ODAD1: variants seen among roughly 807,000 people sequenced by gnomAD.
ODAD1 encodes the protein outer dynein arm-docking complex subunit 1.
In ODAD1, 49 loss-of-function variants were observed where a neutral mutation model predicts 67.2. The observed-to-expected ratio is 0.73, with a 90% CI of 0.58 to 0.92. The LOEUF is 0.92. Among genes scored for constraint, ODAD1 ranks in the 40% least tolerant of loss-of-function variants. ODAD1 has a pLI of 0.00. For synonymous variants in ODAD1, 345 were observed against 393.7 expected (o/e 0.88, Z 1.46); for missense variants, 897 against 953.7 (o/e 0.94, Z 0.78).
In ODAD1 at chr19:48,304,665, C is replaced by G. The variant is rs1968560723; in HGVS notation, c.666-525G>C. 2.0e-5 allele frequency among the ~76,000 whole-genome samples: 3 copies of G among 151,492 alleles called. No homozygotes were observed. The South Asian group carries it at 6.3e-4, about 32-fold the overall frequency. On this transcript the variant is annotated intron_variant, in intron 8 of 15. Transcript: ENST00000674294. ...CAAGAACTTCAAAAGAGTGCGACAT[C>G]ATATTAGAAACACAACACAAAACTC... is the stretch of plus-strand genomic sequence containing the variant.
chr19:48,299,484 G>A (rs1175391827), intron 12 of ODAD1, among the ~76,000 whole-genome samples: 2 of 152,234 alleles, frequency 1.3e-5, no homozygotes, highest in Admixed American at 6.5e-5. Context: ...ACTCCTGAGT[G>A]CTCTGCATGG....
Position 48,298,036 on chromosome 19 carries a change from G to A in ODAD1, c.1466C>T (p.Pro489Leu), listed in dbSNP as rs768434176. Residue 489 changes from proline (P) to leucine (L), a missense_variant, in exon 14 of 16, where the codon CCG (proline) becomes CTG (leucine). By Grantham distance (98) the Pro-to-Leu change is moderately conservative. Coordinates refer to ENST00000674294, the MANE Select transcript of ODAD1 (RefSeq NM_001364171.2). ...GGGCTGAAGTGGGGCCATCTTCTTCGGAAGGTCCTCCAGGCTCTGGCCCAG... is the reference window on the plus strand; with the variant it reads ...GGGCTGAAGTGGGGCCATCTTCTTCAGAAGGTCCTCCAGGCTCTGGCCCAG... ...LVLGQSLEDL[P>L]KKMAPLQPPD... 3.7e-5 allele frequency: 60 copies of A among 1,613,106 alleles called. No individual in the cohort carries two copies. The highest frequency in any genetic ancestry group is 3.5e-4 in the Admixed American group (21 of 59,690).
chr19:48,311,638 A>G lies in ODAD1; in HGVS notation c.512T>C (p.Val171Ala), dbSNP rs1040729839. Residue 171 changes from valine to alanine, a missense_variant, in exon 7 of 16, where the codon GTA (valine) becomes GCA (alanine). By Grantham distance (64) the Val-to-Ala change is moderately conservative (BLOSUM62 0). Coordinates refer to ENST00000674294, the MANE Select transcript of ODAD1 (RefSeq NM_001364171.2). The part of the protein sequence containing the change: ...RVTCHFDNQL[V>A]RNAALREELD... ...CTCCTCCCGCAGGGCCGCATTCCGT[A>G]CCAGCTGGTTGTCAAAGTGACAGGT... is the stretch of plus-strand genomic sequence containing the variant. 6.4e-7 allele frequency: 1 copy of G among 1,550,388 alleles called. No individual in the cohort carries two copies. The highest frequency in any genetic ancestry group is 8.7e-7 in the Non-Finnish European group (1 of 1,145,876).
At chr19:48,302,972 C>T (rs946093311) in intron 11 of ODAD1, 41 bp downstream of exon 11, 18 of 1,555,662 alleles carry the variant, frequency 1.2e-5, no homozygotes, top group Admixed American at 1.7e-5. Flanking sequence ...GCGGGGAGGC[C>T]GGGAGGAGAG....
rs759533077 is a variant in ODAD1, at chr19:48,303,715, A to T, written c.923T>A (p.Leu308Gln). ...CCCCATCAGCTGGGACAGTTTATTCAGGGCGTCCTCGTAGCAAAGCACCAG... is the reference window on the plus strand; with the variant it reads ...CCCCATCAGCTGGGACAGTTTATTCTGGGCGTCCTCGTAGCAAAGCACCAG... ...ERLVLCYEDALNKLSQLMGES... is the reference protein window; with the variant it reads ...ERLVLCYEDAQNKLSQLMGES... The change falls in exon 10 of 16, where the codon CTG becomes CAG. Residue 308 changes from leucine (L) to glutamine (Q), a missense_variant. Coordinates refer to ENST00000674294, the MANE Select transcript of ODAD1 (RefSeq NM_001364171.2). The T allele has an allele frequency of 6.2e-7, 1 of 1,614,076 alleles. No individual in the cohort carries two copies. The highest frequency in any genetic ancestry group is 8.5e-7 in the Non-Finnish European group (1 of 1,179,964).
In ODAD1 at chr19:48,297,618, TC is replaced by T; in HGVS notation, c.1552del (p.Glu518ArgfsTer4). On this transcript the variant is annotated frameshift_variant, in exon 15 of 16. Transcript: ENST00000674294. LOFTEE classifies it low-confidence loss of function (END_TRUNC). ...CTTCTCCACTTGGCTCAGCAGCTCC[TC>T]CCTGCTCATGGGGTAGTCATCGCTG... ...EASDDYPMSR[E>X]ELLSQVEKLV... 6.5e-7 allele frequency: 1 copy of T among 1,534,830 alleles called. No homozygotes were observed. The highest frequency in any genetic ancestry group is 8.7e-7 in the Non-Finnish European group (1 of 1,144,146).
intron 5 of ODAD1, among the ~76,000 whole-genome samples, chr19:48,314,159 C>T (rs1051868387): frequency 5.9e-5 from 9 of 152,098 alleles, no homozygotes; most frequent in African/African-American, 1.2e-4. Flanking sequence ...AGGAGAATCG[C>T]TTGAACCCAG....
intron 7 of ODAD1, among the ~76,000 whole-genome samples, chr19:48,308,919 G>C (rs1325154593): frequency 6.6e-6 from 1 of 152,126 alleles, no homozygotes; most frequent in South Asian, 2.1e-4. Context: ...CCCACTCCAG[G>C]GAGCAGGCAG....
chr19:48,306,415 G>T, intron 7 of ODAD1, 92 bp from the exon 8 acceptor site: 1 of 1,104,108 alleles, frequency 9.1e-7, no homozygotes, highest in Non-Finnish European at 1.3e-6. Context: ...CCAATAAGGA[G>T]TAAAGCTCTT....
At chr19:48,307,824 A>G (rs1460113670) in intron 7 of ODAD1, among the ~76,000 whole-genome samples, 1 of 148,090 alleles carries the variant, frequency 6.8e-6, no homozygotes, top group Non-Finnish European at 1.5e-5. Flanking sequence ...CTCCGTCTCA[A>G]AAAAAAAAAA....
In ODAD1 at chr19:48,318,425, C is replaced by T. The variant is rs1300275009; in HGVS notation, c.322G>A (p.Glu108Lys). 6 of 1,551,656 alleles carry T rather than the reference C, an allele frequency of 3.9e-6. No individual in the cohort carries two copies. The highest frequency in any genetic ancestry group is 5.2e-6 in the Non-Finnish European group (6 of 1,146,982). The change falls in exon 5 of 16, where the codon GAG becomes AAG. Residue 108 changes from glutamate to lysine, a missense_variant. Physicochemically the swap from Glu to Lys is moderately conservative, Grantham distance 56. Coordinates refer to ENST00000674294, the MANE Select transcript of ODAD1 (RefSeq NM_001364171.2). The stretch of plus-strand genomic sequence containing the variant: ...GCCCTGGTCTGCTCCTGCAGCTCCT[C>T]GATCTCCGCCTGCACCTGGGCCCGG... Reference protein sequence around the residue: ...KGRAQVQAEIEELQEQTRALD... With the variant: ...KGRAQVQAEIKELQEQTRALD...
intron 7 of ODAD1, among the ~76,000 whole-genome samples, chr19:48,307,485 G>C (rs10424338): frequency 3.9e-5 from 6 of 152,046 alleles, no homozygotes; most frequent in Non-Finnish European, 7.4e-5. Flanking sequence ...GCTCTCTCCA[G>C]AGGAAGGGCC....
chr19:48,309,625 C>T (rs778254115), intron 7 of ODAD1, among the ~76,000 whole-genome samples: 20 of 152,174 alleles, frequency 1.3e-4, no homozygotes, highest in Admixed American at 5.9e-4. Context: ...TACAAGAACT[C>T]GGGCAAAGGC....
At chr19:48,302,323 T>C (rs1433983031) in intron 12 of ODAD1, among the ~76,000 whole-genome samples, 1 of 150,406 alleles carries the variant, frequency 6.6e-6, no homozygotes, top group Non-Finnish European at 1.5e-5. Context: ...GGATAGACTC[T>C]GAATGGATGG....
chr19:48,297,592 G>A lies in ODAD1; in HGVS notation c.1579C>T (p.Leu527=), dbSNP rs371854569. ...ACCCCCGCAGGCCCCACTCTCACCAGCTTCTCCACTTGGCTCAGCAGCTCC... is the reference window on the plus strand; with the variant it reads ...ACCCCCGCAGGCCCCACTCTCACCAACTTCTCCACTTGGCTCAGCAGCTCC... The part of the protein sequence containing the change: ...REELLSQVEK[L]VELQEQAEAQ... The change falls in exon 15 of 16, where the codon CTG becomes TTG. Residue 527 remains leucine (L), a splice_region_variant and synonymous_variant. Transcript: ENST00000674294. 1 of 1,551,706 alleles carries A rather than the reference G, an allele frequency of 6.4e-7. No homozygotes were observed. The highest frequency in any genetic ancestry group is 1.4e-5 in the African/African-American group (1 of 72,484).
chr19:48,308,141 A>G (rs1968665641), intron 7 of ODAD1, among the ~76,000 whole-genome samples: 1 of 152,058 alleles, frequency 6.6e-6, no homozygotes, highest in Non-Finnish European at 1.5e-5. Flanking sequence ...ACAACACTCA[A>G]ATATACAGGG....
Position 48,318,523 on chromosome 19 carries a change from C to T in ODAD1, c.224G>A (p.Ser75Asn), listed in dbSNP as rs185981276. Reference protein sequence around the residue: ...EVRGDLQVQISAAQNQVKRLR... With the variant: ...EVRGDLQVQINAAQNQVKRLR... ...CCGCTTGACCTGGTTCTGGGCTGCG[C>T]TGATCTGCACCTGGAGATCGCCCCG... Residue 75 changes from serine (S) to asparagine (N), a missense_variant, in exon 5 of 16, where the codon AGC becomes AAC. Ser to Asn is a conservative substitution (Grantham distance 46). Transcript: ENST00000674294. 2 of 1,551,670 alleles carry T rather than the reference C, an allele frequency of 1.3e-6. No homozygotes were observed. The highest frequency in any genetic ancestry group is 4.9e-5 in the East Asian group (2 of 40,924).
In ODAD1 at chr19:48,313,448, C is replaced by CA. The variant is rs1291428185; in HGVS notation, c.361-1333dup. 9.3e-4 allele frequency among the ~76,000 whole-genome samples: 81 copies of CA among 86,926 alleles called. No individual in the cohort carries two copies. The Middle Eastern group carries it at 0.024, about 26-fold the overall frequency. 57.0% of individuals were successfully genotyped at this position (86,926 alleles called of 152,430 possible). Reference sequence around the variant, plus strand: ...TCTCAAAAAAAAAAAAAAAAAAAACCAAAAAAAAACCTCACATGTTGAAGT... The same window carrying CA: ...TCTCAAAAAAAAAAAAAAAAAAAACCAAAAAAAAAACCTCACATGTTGAAGT... On this transcript the variant is annotated intron_variant, in intron 5 of 15. Transcript: ENST00000674294.
At position 48,297,042 on chromosome 19, in the gene ODAD1, G is replaced by C. The variant is rs767518978; in HGVS notation, c.2058C>G (p.Val686=). 6.2e-7 allele frequency: 1 copy of C among 1,612,766 alleles called. No individual in the cohort carries two copies. Among genetic ancestry groups the C allele is most frequent in the African/African-American group, 1.3e-5 (1 of 75,030 alleles). Residue 686 remains valine (V), a synonymous_variant, in exon 16 of 16, where the codon GTC becomes GTG. Transcript: ENST00000674294. ...TGCTGGAGGCAGGGCCGGTGCTGGA[G>C]ACGTGGTCTCTGCTGGACCCGAGGC... ...SGGLGSSRDH[V]SSTGPASSTG...
Sources: gnomAD v4.1 joint callset for allele counts (sites outside exome capture counted in the v4.1 genomes callset) on GRCh38, gnomAD v4.1.1 for gene constraint, MANE v1.5 for transcripts, NCBI Gene and HGNC (gene_info 2026-07-23, HGNC 2026-07-21) for gene names.